The following GUCY1A2 variants were observed in gnomAD, a reference collection of about 807,000 sequenced individuals.
The protein encoded by GUCY1A2 is guanylate cyclase soluble subunit alpha-2.
A neutral mutation model predicts 63.5 loss-of-function variants in GUCY1A2; 27 were observed. The observed-to-expected ratio is 0.43, with a 90% CI of 0.31 to 0.59. The LOEUF is 0.59. Among genes scored for constraint, GUCY1A2 ranks in the 20% least tolerant of loss-of-function variants. GUCY1A2 has a pLI of 0.11. For synonymous variants in GUCY1A2, 364 were observed against 343.5 expected (o/e 1.06, Z -0.66); for missense variants, 768 against 913.3 (o/e 0.84, Z 2.05).
rs374487113 is a variant in GUCY1A2, at chr11:106,836,634, A to T, written c.1207-26156T>A. On this transcript the variant is annotated intron_variant, in intron 4 of 7. Transcript: ENST00000526355. ...ATTATTGCACTAAACACTGTAAAAA[A>T]TACACAAAAACCAAGAGAGGTAACT... Among the ~76,000 whole-genome samples, 19 of 152,148 alleles carry T rather than the reference A, an allele frequency of 1.2e-4. No individual in the cohort carries two copies. In the East Asian group the frequency reaches 2.3e-3, roughly 19 times the overall value.
At chr11:106,946,839 C>A (rs1400304053) in intron 3 of GUCY1A2, among the ~76,000 whole-genome samples, 1 of 152,092 alleles carries the variant, frequency 6.6e-6, no homozygotes, top group Non-Finnish European at 1.5e-5. Context: ...GAATTGTACA[C>A]TTTTGTTAGG....
At chr11:106,973,348 G>A (rs1012256375) in intron 3 of GUCY1A2, among the ~76,000 whole-genome samples, 5 of 152,048 alleles carry the variant, frequency 3.3e-5, no homozygotes, top group Admixed American at 6.6e-5. Flanking sequence ...ATGAAACCAC[G>A]TTTGTGTTGT....
rs116491168 is a variant in GUCY1A2 at position 106,707,790 on chromosome 11, C to A, written c.1991+722G>T. On this transcript the variant is annotated intron_variant, in intron 7 of 7. Coordinates refer to ENST00000526355, the MANE Select transcript of GUCY1A2 (RefSeq NM_000855.3). The stretch of plus-strand genomic sequence containing the variant: ...ACAAAATAAGAATGAATTCAGGAGG[C>A]AAAAATGTGTAGTGTTGTCAAAGAT... Among the ~76,000 whole-genome samples, 1,348 of 151,826 alleles carry A rather than the reference C, an allele frequency of 8.9e-3. 20 individuals carry two copies. Among genetic ancestry groups the A allele is most frequent in the African/African-American group, 0.03 (1,251 of 41,358 alleles).
chr11:106,936,634 A>G, intron 4 of GUCY1A2: 1 of 1,462,598 alleles, frequency 6.8e-7, no homozygotes, highest in Non-Finnish European at 9.2e-7. Flanking sequence ...GCCATCTGGA[A>G]GAGTTTTTTT....
chr11:106,723,030 A>G (rs1464352441), intron 6 of GUCY1A2, among the ~76,000 whole-genome samples: 3 of 152,308 alleles, frequency 2.0e-5, no homozygotes, highest in African/African-American at 4.8e-5. Context: ...GACTATTAAA[A>G]TAGTTATTTT....
chr11:106,761,609 T>C (rs568747868), intron 6 of GUCY1A2, among the ~76,000 whole-genome samples: 1 of 152,290 alleles, frequency 6.6e-6, no homozygotes, highest in East Asian at 1.9e-4. Context: ...AATATCAATC[T>C]ACTTGAACAC....
intron 5 of GUCY1A2, among the ~76,000 whole-genome samples, chr11:106,793,284 G>A (rs955143987): frequency 1.3e-5 from 2 of 151,980 alleles, no homozygotes; most frequent in African/African-American, 4.8e-5. Flanking sequence ...AAATTGGTTG[G>A]GCAGCTAGAT....
intron 4 of GUCY1A2, among the ~76,000 whole-genome samples, chr11:106,894,711 T>C (rs1194374266): frequency 6.6e-6 from 1 of 152,166 alleles, no homozygotes; most frequent in Non-Finnish European, 1.5e-5. Flanking sequence ...AAAATATTTT[T>C]GACTAAATAA....
At chr11:107,014,178 T>G (rs1455143252) in intron 1 of GUCY1A2, among the ~76,000 whole-genome samples, 2 of 130,206 alleles carry the variant, frequency 1.5e-5, no homozygotes, top group African/African-American at 5.8e-5. Context: ...AACCTCTGCC[T>G]CCCGGGTTCA....
At chr11:107,011,961 T>C (rs1272885260) in intron 1 of GUCY1A2, among the ~76,000 whole-genome samples, 1 of 152,132 alleles carries the variant, frequency 6.6e-6, no homozygotes, top group Non-Finnish European at 1.5e-5. Flanking sequence ...TTGGAATTCT[T>C]AGGCAACTGA....
intron 5 of GUCY1A2, among the ~76,000 whole-genome samples, chr11:106,809,477 T>C (rs943852051): frequency 6.6e-6 from 1 of 152,128 alleles, no homozygotes; most frequent in African/African-American, 2.4e-5. Context: ...CCTCAAAAAC[T>C]CATTAGTCAT....
At chr11:106,820,395 T>A (rs541257857) in intron 4 of GUCY1A2, among the ~76,000 whole-genome samples, 5 of 152,154 alleles carry the variant, frequency 3.3e-5, no homozygotes, top group African/African-American at 9.6e-5. Flanking sequence ...AAGCACTTTT[T>A]AAAAAAAATA....
At chr11:106,770,120 G>A (rs1864230935) in intron 6 of GUCY1A2, among the ~76,000 whole-genome samples, 1 of 151,928 alleles carries the variant, frequency 6.6e-6, no homozygotes, top group East Asian at 1.9e-4. Flanking sequence ...GATTTATATA[G>A]CATTTACTTT....
chr11:106,907,626 A>G (rs1019076355), intron 4 of GUCY1A2, among the ~76,000 whole-genome samples: 3 of 151,860 alleles, frequency 2.0e-5, no homozygotes, highest in Admixed American at 6.6e-5. Flanking sequence ...TCATTGCTCA[A>G]TTCCCACCTA....
intron 4 of GUCY1A2, among the ~76,000 whole-genome samples, chr11:106,897,867 A>T (rs1446467342): frequency 3.9e-5 from 6 of 152,156 alleles, no homozygotes; most frequent in Non-Finnish European, 7.4e-5. Flanking sequence ...GACTTCATTA[A>T]AATTAAAAAT....
chr11:106,792,251 TGGTG>T (rs1282839254), intron 5 of GUCY1A2, among the ~76,000 whole-genome samples: 2 of 152,034 alleles, frequency 1.3e-5, no homozygotes, highest in African/African-American at 4.8e-5. Flanking sequence ...CCAGGCTCAG[TGGTG>T]GGTGCCTGTA....
In GUCY1A2 at chr11:106,697,543, A is replaced by G. The variant is rs192730999; in HGVS notation, c.1992-9787T>C. Reference sequence around the variant, plus strand: ...TGTTTTGAGAGGATTTGAAACAAACATATTTCCTTAATACAACATAGTACC... The same window carrying G: ...TGTTTTGAGAGGATTTGAAACAAACGTATTTCCTTAATACAACATAGTACC... On this transcript the variant is annotated intron_variant, in intron 7 of 7. Coordinates refer to ENST00000526355, the MANE Select transcript of GUCY1A2 (RefSeq NM_000855.3). Among the ~76,000 whole-genome samples the G allele has an allele frequency of 4.4e-4, 67 of 152,290 alleles. 1 individual carries two copies. The highest frequency in any genetic ancestry group is 4.3e-3 in the Admixed American group (66 of 15,288).
At chr11:106,731,591 A>G (rs1863507383) in intron 6 of GUCY1A2, among the ~76,000 whole-genome samples, 5 of 152,192 alleles carry the variant, frequency 3.3e-5, no homozygotes, top group Admixed American at 3.3e-4. Flanking sequence ...AGAGGACGTC[A>G]AACTAACCCT....
intron 4 of GUCY1A2, among the ~76,000 whole-genome samples, chr11:106,839,819 TG>T (rs1859171269): frequency 7.9e-6 from 1 of 126,294 alleles, no homozygotes. Flanking sequence ...TGAGGACATT[TG>T]GACACAGGAA....
Sources: gnomAD v4.1 joint callset for allele counts (sites outside exome capture counted in the v4.1 genomes callset) on GRCh38, gnomAD v4.1.1 for gene constraint, MANE v1.5 for transcripts, NCBI Gene and HGNC (gene_info 2026-07-23, HGNC 2026-07-21) for gene names.